The following NCALD variants were observed in gnomAD, a reference collection of about 807,000 sequenced individuals.
NCALD encodes neurocalcin delta, also known as neurocalcin-delta.
In NCALD, 10 loss-of-function variants were observed where a neutral mutation model predicts 18.6. The ratio of observed to expected loss-of-function variants is 0.54; its 90% CI spans 0.33 to 0.91. NCALD has a LOEUF of 0.91. Ranked by LOEUF, NCALD falls within the 40% of genes least tolerant of loss-of-function variation. The pLI is 0.03. For synonymous variants in NCALD, 88 were observed against 87.4 expected (o/e 1.01, Z -0.04); for missense variants, 184 against 247.6 (o/e 0.74, Z 1.72).
intron 2 of NCALD, among the ~76,000 whole-genome samples, chr8:101,968,334 T>G (rs919627202): frequency 6.6e-6 from 1 of 152,190 alleles, no homozygotes; most frequent in African/African-American, 2.4e-5. Context: ...TAGATTTAAC[T>G]TCCATTTCAT....
At chr8:101,848,506 T>C (rs1487254898) in intron 4 of NCALD, among the ~76,000 whole-genome samples, 7 of 152,128 alleles carry the variant, frequency 4.6e-5, no homozygotes, top group Non-Finnish European at 1.0e-4. Flanking sequence ...GACCTAAAAG[T>C]GTTTGATACT....
chr8:102,103,091 G>A (rs374651916), intron 1 of NCALD, among the ~76,000 whole-genome samples: 1 of 152,098 alleles, frequency 6.6e-6, no homozygotes, highest in African/African-American at 2.4e-5. Context: ...GAAACCAGAT[G>A]AGTAAGGGGA....
chr8:101,979,898 G>A (rs759132078), intron 2 of NCALD, among the ~76,000 whole-genome samples: 16 of 152,212 alleles, frequency 1.1e-4, no homozygotes, highest in Non-Finnish European at 2.4e-4. Flanking sequence ...TTCAAGGAAA[G>A]GTGAAAATCA....
At chr8:101,745,429 T>TCC (rs1331420795) in intron 1 of NCALD, among the ~76,000 whole-genome samples, 13 of 152,290 alleles carry the variant, frequency 8.5e-5, no homozygotes, top group African/African-American at 3.1e-4. Context: ...CCTCATACTG[T>TCC]GTCAGGTTTT....
chr8:101,915,433 T>C (rs1374010604), intron 3 of NCALD: 1 of 152,228 alleles, frequency 6.6e-6, no homozygotes, highest in African/African-American at 2.4e-5. Flanking sequence ...GAGATACCTC[T>C]TGGAATATGA....
intron 2 of NCALD, among the ~76,000 whole-genome samples, chr8:101,991,157 G>A (rs896939290): frequency 5.9e-5 from 9 of 152,202 alleles, no homozygotes; most frequent in Admixed American, 3.9e-4. Context: ...GCATTGTATC[G>A]ACAACATCCT....
At chr8:101,748,579 G>C (rs1810522786) in intron 1 of NCALD, among the ~76,000 whole-genome samples, 1 of 152,136 alleles carries the variant, frequency 6.6e-6, no homozygotes, top group South Asian at 2.1e-4. Flanking sequence ...TTGTGATTGA[G>C]CATATTCCTA....
chr8:101,730,298 G>C (rs571677491), intron 1 of NCALD, among the ~76,000 whole-genome samples: 11 of 151,898 alleles, frequency 7.2e-5, no homozygotes, highest in African/African-American at 2.7e-4. Flanking sequence ...TGGCCAACAT[G>C]GTGAAACCCC....
At position 101,697,979 on chromosome 8, in the gene NCALD, A is replaced by T. The variant is rs945019533; in HGVS notation, c.379-5083T>A. Among the ~76,000 whole-genome samples, 8 of 152,164 alleles carry T rather than the reference A, an allele frequency of 5.3e-5. No individual in the cohort carries two copies. In the East Asian group the frequency reaches 1.5e-3, roughly 29 times the overall value. On this transcript the variant is annotated intron_variant, in intron 2 of 3. Transcript: ENST00000220931. The stretch of plus-strand genomic sequence containing the variant: ...GAAAGAAATAAAGCATATTCAAATA[A>T]GAAGAGAGGAAATCAAATTTTCTCT...
intron 1 of NCALD, among the ~76,000 whole-genome samples, chr8:102,048,783 A>C (rs1343466837): frequency 1.3e-5 from 2 of 152,214 alleles, no homozygotes; most frequent in East Asian, 3.8e-4. Context: ...ACTTCAAAAC[A>C]ATGACTTCAG....
chr8:102,115,034 G>A (rs1028202363), intron 1 of NCALD, among the ~76,000 whole-genome samples: 2 of 152,230 alleles, frequency 1.3e-5, no homozygotes, highest in Non-Finnish European at 2.9e-5. Flanking sequence ...ATACTCAGCA[G>A]GGCCCCATGC....
chr8:102,085,368 A>G (rs1004426842), intron 1 of NCALD, among the ~76,000 whole-genome samples: 2 of 152,216 alleles, frequency 1.3e-5, no homozygotes, highest in African/African-American at 4.8e-5. Flanking sequence ...GTAAACTCCT[A>G]TCTATGCAGC....
intron 1 of NCALD, among the ~76,000 whole-genome samples, chr8:102,104,303 G>A (rs1341899056): frequency 6.6e-6 from 1 of 152,150 alleles, no homozygotes; most frequent in South Asian, 2.1e-4. Context: ...AAGCCTGTAT[G>A]TAATTTACCA....
At chr8:101,884,875 T>G (rs1398275915) in intron 4 of NCALD, among the ~76,000 whole-genome samples, 1 of 152,224 alleles carries the variant, frequency 6.6e-6, no homozygotes, top group Non-Finnish European at 1.5e-5. Context: ...ATTTGGTGTC[T>G]CGTGCTCTCA....
chr8:101,735,774 A>G (rs566905212), intron 1 of NCALD, among the ~76,000 whole-genome samples: 5 of 152,328 alleles, frequency 3.3e-5, no homozygotes, highest in South Asian at 4.1e-4. Flanking sequence ...TCCACAGTCT[A>G]AGGATTCCAT....
intron 4 of NCALD, among the ~76,000 whole-genome samples, chr8:101,829,363 T>C (rs969543893): frequency 1.1e-4 from 16 of 152,324 alleles, no homozygotes; most frequent in Non-Finnish European, 1.5e-4. Context: ...AAGGTTTTCA[T>C]GATCACTACC....
intron 1 of NCALD, among the ~76,000 whole-genome samples, chr8:102,101,276 T>G (rs1054890754): frequency 9.2e-5 from 14 of 152,334 alleles, no homozygotes; most frequent in African/African-American, 3.1e-4. Flanking sequence ...GATATTATGA[T>G]TTTTCAGGAG....
intron 1 of NCALD, among the ~76,000 whole-genome samples, chr8:102,028,701 TA>T (rs1205451235): frequency 6.6e-6 from 1 of 152,210 alleles, no homozygotes; most frequent in Non-Finnish European, 1.5e-5. Flanking sequence ...TTGCCCGCCA[TA>T]TGTGAATTAC....
intron 1 of NCALD, among the ~76,000 whole-genome samples, chr8:102,026,685 G>A (rs1042655152): frequency 6.6e-6 from 1 of 152,142 alleles, no homozygotes; most frequent in Non-Finnish European, 1.5e-5. Flanking sequence ...CTATTCTAAG[G>A]TCTGAAGAAT....
Sources: allele counts gnomAD v4.1 joint callset (sites outside exome capture counted in the v4.1 genomes callset), GRCh38; gene constraint gnomAD v4.1.1; transcripts MANE v1.5; gene names NCBI Gene and HGNC (gene_info 2026-07-23, HGNC 2026-07-21).